Variants in SMAP1 observed in about 807,000 individuals in gnomAD.
SMAP1 encodes the protein stromal membrane-associated protein 1.
In SMAP1, 24 loss-of-function variants were observed where a neutral mutation model predicts 58.5. The observed-to-expected ratio is 0.41, with a 90% CI of 0.30 to 0.58. SMAP1 has a LOEUF of 0.58. SMAP1 is among the 20% of genes least tolerant of loss of function. The pLI is 0.29. For missense variants in SMAP1, 563 were observed against 566.3 expected, an observed-to-expected ratio of 0.99 and a Z score of 0.06; for synonymous variants, 216 against 196.6, an observed-to-expected ratio of 1.10 and a Z score of -0.82.
intron 1 of SMAP1, among the ~76,000 whole-genome samples, chr6:70,710,808 A>G (rs997372786): frequency 4.6e-5 from 7 of 152,192 alleles, no homozygotes; most frequent in Non-Finnish European, 1.5e-5. Flanking sequence ...CAGCTATACA[A>G]GGCATTTTCT....
intron 2 of SMAP1, among the ~76,000 whole-genome samples, chr6:70,749,017 G>A (rs1766163308): frequency 6.6e-6 from 1 of 152,042 alleles, no homozygotes; most frequent in Non-Finnish European, 1.5e-5. Flanking sequence ...TGGCATATTA[G>A]TGTGTTCTCA....
At chr6:70,681,428 A>G (rs558893338) in intron 1 of SMAP1, among the ~76,000 whole-genome samples, 3 of 152,216 alleles carry the variant, frequency 2.0e-5, no homozygotes, top group Non-Finnish European at 4.4e-5. Context: ...CCCTGTCTCA[A>G]AAACAAAAAC....
intron 2 of SMAP1, among the ~76,000 whole-genome samples, chr6:70,741,855 T>G (rs1765826581): frequency 6.6e-6 from 1 of 152,174 alleles, no homozygotes. Context: ...AATTCTTGAC[T>G]TCTGTGCACC....
intron 1 of SMAP1, among the ~76,000 whole-genome samples, chr6:70,717,164 T>C (rs1362725856): frequency 6.6e-6 from 1 of 152,178 alleles, no homozygotes; most frequent in Admixed American, 6.5e-5. Context: ...GGTGGGAAGA[T>C]TGGTGTGTTA....
chr6:70,850,145 C>T (rs541973584), intron 7 of SMAP1, among the ~76,000 whole-genome samples: 36 of 152,232 alleles, frequency 2.4e-4, no homozygotes, highest in African/African-American at 7.5e-4. Context: ...CTTAAAATTT[C>T]GGAAAGCTGT....
chr6:70,775,538 A>G (rs1767513327), intron 4 of SMAP1, among the ~76,000 whole-genome samples: 1 of 152,208 alleles, frequency 6.6e-6, no homozygotes, highest in Non-Finnish European at 1.5e-5. Flanking sequence ...GATACCTAAC[A>G]CTTTCAAGTG....
intron 1 of SMAP1, among the ~76,000 whole-genome samples, chr6:70,679,126 C>T (rs537137367): frequency 6.6e-5 from 10 of 151,748 alleles, no homozygotes; most frequent in African/African-American, 1.9e-4. Flanking sequence ...CCGGTTCAAG[C>T]GATTCTCCTG....
rs565523722 is a variant in SMAP1 at position 70,740,835 on chromosome 6, T to C, written c.252+8324T>C. Among the ~76,000 whole-genome samples the C allele has an allele frequency of 2.0e-5, 3 of 152,286 alleles. No individual in the cohort carries two copies. The East Asian group carries it at 5.8e-4, about 29-fold the overall frequency. On this transcript the variant is annotated intron_variant, in intron 2 of 10. Transcript: ENST00000370455. ...AAAAGAGGTTTAATGGACTCACAGT[T>C]CCATGTGGCTGGGGAGGCCTCAAAT...
intron 1 of SMAP1, among the ~76,000 whole-genome samples, chr6:70,708,899 C>T (rs900886974): frequency 6.6e-6 from 1 of 151,956 alleles, no homozygotes; most frequent in Non-Finnish European, 1.5e-5. Context: ...AATATTTTGC[C>T]CCAATCTGTA....
At chr6:70,686,832 A>G (rs1341369171) in intron 1 of SMAP1, among the ~76,000 whole-genome samples, 1 of 152,224 alleles carries the variant, frequency 6.6e-6, no homozygotes, top group East Asian at 1.9e-4. Context: ...TCATAAAACT[A>G]AACTTGGGAA....
At chr6:70,790,525 A>T (rs16869501) in intron 4 of SMAP1, among the ~76,000 whole-genome samples, 5,588 of 152,210 alleles carry the variant, frequency 0.037, 118 homozygotes, top group African/African-American at 0.052. Context: ...TTTATGGAAG[A>T]TCTACATTTT....
chr6:70,685,357 C>G (rs1766894510), intron 1 of SMAP1, among the ~76,000 whole-genome samples: 1 of 151,028 alleles, frequency 6.6e-6, no homozygotes. Flanking sequence ...ACAGCAGAAA[C>G]CCTACCCTAC....
rs764744071 is a variant in SMAP1 at position 70,856,978 on chromosome 6, C to G, written c.909C>G (p.Asp303Glu). 1.2e-6 allele frequency: 2 copies of G among 1,613,960 alleles called. No homozygotes were observed. The highest frequency in any genetic ancestry group is 1.7e-6 in the Non-Finnish European group (2 of 1,179,866). ...EEVAKKQLSK[D>E]SILSLYGTGT... ...TGGCAAAGAAACAACTTTCCAAAGA[C>G]TCCATCTTATCTCTGTATGGCACAG... The change falls in exon 9 of 11, where the codon GAC (aspartate) becomes GAG (glutamate). Residue 303 changes from aspartate to glutamate, a missense_variant. Asp to Glu is a conservative substitution (Grantham distance 45, BLOSUM62 2). Coordinates refer to ENST00000370455, the MANE Select transcript of SMAP1 (RefSeq NM_001044305.3).
At chr6:70,668,733 C>G in intron 1 of SMAP1, 1 of 1,535,626 alleles carries the variant, frequency 6.5e-7, no homozygotes, top group Non-Finnish European at 8.7e-7. Context: ...TTGAGTTTTA[C>G]GGAATAAATT....
intron 4 of SMAP1, among the ~76,000 whole-genome samples, chr6:70,781,616 T>G (rs117062935): frequency 0.023 from 3,577 of 152,302 alleles, 52 homozygotes; most frequent in Non-Finnish European, 0.037. Context: ...CTATAAGATG[T>G]TTTTCAGTGA....
At chr6:70,746,532 C>A (rs1766049356) in intron 2 of SMAP1, among the ~76,000 whole-genome samples, 1 of 152,022 alleles carries the variant, frequency 6.6e-6, no homozygotes, top group Admixed American at 6.6e-5. Flanking sequence ...TGACTGTATC[C>A]TGGTGGATAA....
intron 3 of SMAP1, among the ~76,000 whole-genome samples, chr6:70,766,792 G>C (rs957420422): frequency 6.6e-6 from 1 of 152,092 alleles, no homozygotes; most frequent in African/African-American, 2.4e-5. Context: ...TGCCATTGCT[G>C]TTGGTGTTTT....
intron 1 of SMAP1, among the ~76,000 whole-genome samples, chr6:70,677,247 A>G (rs368169886): frequency 8.1e-5 from 12 of 148,528 alleles, no homozygotes; most frequent in African/African-American, 3.0e-4. Flanking sequence ...TTTTTAAACC[A>G]TAGAAACAGC....
At position 70,729,306 on chromosome 6, in the gene SMAP1, G is replaced by T. The variant is rs76031465; in HGVS notation, c.119-3072G>T. Among the ~76,000 whole-genome samples, 744 of 152,028 alleles carry T rather than the reference G, an allele frequency of 4.9e-3. 8 individuals are homozygous for T. The highest frequency in any genetic ancestry group is 0.017 in the African/African-American group (687 of 41,516). ...TACAAAAAATTAGCTGGGCGAAGTG[G>T]CGGGCGCCTGTAGTCCCAGCTACTC... is the stretch of plus-strand genomic sequence containing the variant. On this transcript the variant is annotated intron_variant, in intron 1 of 10. Coordinates refer to ENST00000370455, the MANE Select transcript of SMAP1 (RefSeq NM_001044305.3).
Sources: allele counts gnomAD v4.1 joint callset (sites outside exome capture counted in the v4.1 genomes callset), GRCh38; gene constraint gnomAD v4.1.1; transcripts MANE v1.5; gene names NCBI Gene and HGNC (gene_info 2026-07-23, HGNC 2026-07-21).